The following LSM5 variants were observed in gnomAD, a reference collection of about 807,000 sequenced individuals.
LSM5 encodes LSM5 homolog, U6 small nuclear RNA and mRNA degradation associated.
Under a neutral mutation model 13.8 loss-of-function variants are expected in LSM5, and 8 were observed. That is an observed-to-expected ratio of 0.58 (90% CI 0.34 to 1.04). The LOEUF (loss-of-function observed/expected upper bound fraction) is 1.04, where lower values mean the gene tolerates loss of function less well. LSM5 is among the 50% of genes least tolerant of loss of function. LSM5 has a pLI of 0.03. For missense variants in LSM5, 80 were observed against 108.1 expected, an observed-to-expected ratio of 0.74 and a Z score of 1.15; for synonymous variants, 35 against 37.0, an observed-to-expected ratio of 0.95 and a Z score of 0.20.
rs1352807444 is a variant in LSM5 at position 32,486,339 on chromosome 7, T to A, written c.*922A>T. 6.6e-6 allele frequency: 1 copy of A among 152,210 alleles called. No individual in the cohort carries two copies. The highest frequency in any genetic ancestry group is 1.5e-5 in the Non-Finnish European group (1 of 68,044). 9.4% of individuals were successfully genotyped at this position (152,210 alleles called of 1,614,324 possible). On this transcript the variant is annotated 3_prime_UTR_variant, in exon 5 of 5. Coordinates refer to ENST00000450169, the MANE Select transcript of LSM5 (RefSeq NM_012322.3). ...ACTTAAGTGGAGGGTAAAAACAGTA[T>A]AATCAGGATGAGCAAGTAAAATAAA...
At chr7:32,492,476 G>A (rs545913256), upstream of LSM5, among the ~76,000 whole-genome samples, 5 of 152,162 alleles carry the variant, frequency 3.3e-5, no homozygotes, top group East Asian at 5.8e-4. Flanking sequence ...TGAGCCAATC[G>A]TGCCACTGCA....
At chr7:32,493,378 A>G (rs557907218), upstream of LSM5, among the ~76,000 whole-genome samples, 56 of 152,204 alleles carry the variant, frequency 3.7e-4, no homozygotes, top group African/African-American at 1.3e-3. Context: ...CTGGCCTCCC[A>G]AAGTGCTGAG....
chr7:32,488,997 T>C (rs951634148), intron 2 of LSM5, among the ~76,000 whole-genome samples: 1 of 152,204 alleles, frequency 6.6e-6, no homozygotes, highest in Non-Finnish European at 1.5e-5. Flanking sequence ...AGCGCTGGGA[T>C]TATAGGCGTG....
In LSM5 at chr7:32,486,767, G is replaced by A. The variant is rs1194521267; in HGVS notation, c.*494C>T. The A allele has an allele frequency of 1.2e-5, 2 of 172,402 alleles. No homozygotes were observed. The highest frequency in any genetic ancestry group is 2.4e-5 in the Non-Finnish European group (2 of 82,360). 10.7% of individuals were successfully genotyped at this position (172,402 alleles called of 1,614,324 possible). ...ACCTGTACATTGTTTGTTTTCAATAGGAGTTCATGGAATTTGAAATCAGAA... is the reference window on the plus strand; with the variant it reads ...ACCTGTACATTGTTTGTTTTCAATAAGAGTTCATGGAATTTGAAATCAGAA... On this transcript the variant is annotated 3_prime_UTR_variant, in exon 5 of 5. Coordinates refer to ENST00000450169, the MANE Select transcript of LSM5 (RefSeq NM_012322.3).
At chr7:32,489,985 T>G (rs1173902458) in intron 1 of LSM5, 2 of 1,259,086 alleles carry the variant, frequency 1.6e-6, no homozygotes, top group African/African-American at 3.1e-5. Context: ...CTATCTAATC[T>G]GGGGATCGTA....
upstream of LSM5, among the ~76,000 whole-genome samples, chr7:32,491,594 A>G (rs1265196692): frequency 6.6e-6 from 1 of 152,146 alleles, no homozygotes; most frequent in Non-Finnish European, 1.5e-5. Flanking sequence ...TTCAAATTCC[A>G]TGGTCAGTTA....
chr7:32,491,108 C>T (rs6950200), upstream of LSM5, among the ~76,000 whole-genome samples: 3,910 of 152,246 alleles, frequency 0.026, 162 homozygotes, highest in African/African-American at 0.088. Context: ...TAAACCTGAA[C>T]AGTCTAGGTC....
upstream of LSM5, among the ~76,000 whole-genome samples, chr7:32,492,710 G>T (rs60473708): frequency 0.075 from 11,492 of 152,248 alleles, 496 homozygotes; most frequent in Non-Finnish European, 0.095. Context: ...ACACAAAAAG[G>T]AAGAACAGGC....
intron 3 of LSM5, chr7:32,488,001 G>T: frequency 2.4e-6 from 1 of 409,660 alleles, no homozygotes; most frequent in South Asian, 3.0e-5. Flanking sequence ...ATAAAAAGAA[G>T]TGAAAGCTTG....
At chr7:32,490,511 T>G, upstream of LSM5, 1 of 655,234 alleles carries the variant, frequency 1.5e-6, no homozygotes, top group Admixed American at 2.6e-5. Context: ...TTCACTGGCT[T>G]TTTTCCCCGG....
upstream of LSM5, chr7:32,494,939 A>G (rs1786705445): frequency 6.6e-6 from 1 of 152,218 alleles, no homozygotes; most frequent in Non-Finnish European, 1.5e-5. Flanking sequence ...GAAACAAACA[A>G]GAATTCTCGA....
chr7:32,488,972 A>G (rs1389815926), intron 2 of LSM5, among the ~76,000 whole-genome samples: 1 of 152,076 alleles, frequency 6.6e-6, no homozygotes, highest in Non-Finnish European at 1.5e-5. Flanking sequence ...CGATCCACCC[A>G]CCTCGCCCTC....
chr7:32,491,104 T>A (rs1319484526), upstream of LSM5, among the ~76,000 whole-genome samples: 3 of 152,160 alleles, frequency 2.0e-5, no homozygotes, highest in Non-Finnish European at 4.4e-5. Context: ...AACTTAAACC[T>A]GAACAGTCTA....
rs376563041 is a variant in LSM5 at position 32,490,337 on chromosome 7, G to A, written c.29C>T (p.Ser10Leu). 5.0e-6 allele frequency: 8 copies of A among 1,614,032 alleles called. No individual in the cohort carries two copies. The highest frequency in any genetic ancestry group is 1.3e-5 in the African/African-American group (1 of 74,936). MAANATTNP[S>L]QLLPLELVDK... ...GCGATTACCTAAGGGCAGCAGCTGC[G>A]ACGGGTTGGTAGTAGCGTTAGCCGC... Residue 10 changes from serine to leucine, a missense_variant, in exon 1 of 5, where the codon TCG (serine) becomes TTG (leucine). Transcript: ENST00000450169.
rs904927261 is a variant in LSM5 at position 32,486,280 on chromosome 7, C to A, written c.*981G>T. 4 of 152,076 alleles carry A rather than the reference C, an allele frequency of 2.6e-5. No homozygotes were observed. The highest frequency in any genetic ancestry group is 5.9e-5 in the Non-Finnish European group (4 of 68,020). 9.4% of individuals were successfully genotyped at this position (152,076 alleles called of 1,614,324 possible). On this transcript the variant is annotated 3_prime_UTR_variant, in exon 5 of 5. Transcript: ENST00000450169. ...CATATTAATGTTGAAATATTTGACA[C>A]AGAAAGATATTCACCATTTAAATTC...
chr7:32,487,728 GT>G lies in LSM5; in HGVS notation c.199del (p.Thr67LeufsTer3). On this transcript the variant is annotated frameshift_variant, in exon 4 of 5. Coordinates refer to ENST00000450169, the MANE Select transcript of LSM5 (RefSeq NM_012322.3). LOFTEE classifies it high-confidence loss of function. ...ATTTAGCAAAATCTGATCTAATTTA[GT>G]AATCCTTCTTCCTTCTGGTGTGATT... ...FEITPEGRRI[T>X]KLDQILLNGN... is the part of the protein sequence containing the mutation. 6.6e-7 allele frequency: 1 copy of G among 1,509,644 alleles called. No individual in the cohort carries two copies. Among genetic ancestry groups the G allele is most frequent in the Non-Finnish European group, 9.2e-7 (1 of 1,086,024 alleles). The allele number at this position is 1,509,644 out of a possible 1,614,324, so 93.5% of individuals were successfully genotyped here. A position where few individuals can be genotyped will look rare whatever the true frequency, so the allele number is the denominator to read the frequency against.
At chr7:32,490,240 G>C (rs1214536542) in intron 1 of LSM5, 80 bp downstream of exon 1, 5 of 1,613,152 alleles carry the variant, frequency 3.1e-6, no homozygotes, top group Non-Finnish European at 4.2e-6. Context: ...ACTCGGCCAG[G>C]GCCTGCCTCG....
At position 32,490,341 on chromosome 7, in the gene LSM5, G is replaced by T; in HGVS notation, c.25C>A (p.Pro9Thr). 2.5e-6 allele frequency: 4 copies of T among 1,614,164 alleles called. No individual in the cohort carries two copies. Among genetic ancestry groups the T allele is most frequent in the Non-Finnish European group, 3.4e-6 (4 of 1,180,002 alleles). The change falls in exon 1 of 5, where the codon CCG becomes ACG. Residue 9 changes from proline to threonine, a missense_variant. Coordinates refer to ENST00000450169, the MANE Select transcript of LSM5 (RefSeq NM_012322.3). ...TTACCTAAGGGCAGCAGCTGCGACG[G>T]GTTGGTAGTAGCGTTAGCCGCCATG... is the stretch of plus-strand genomic sequence containing the variant. MAANATTNPSQLLPLELVD... is the reference protein window; with the variant it reads MAANATTNTSQLLPLELVD...
At chr7:32,488,537 AT>A (rs879530620) in intron 3 of LSM5, 87 bp downstream of exon 3, 1 of 875,042 alleles carries the variant, frequency 1.1e-6, no homozygotes. Context: ...CCAAGAGGTA[AT>A]GTTTTCTCAT....
Sources: gnomAD v4.1 joint callset for allele counts (sites outside exome capture counted in the v4.1 genomes callset) on GRCh38, gnomAD v4.1.1 for gene constraint, MANE v1.5 for transcripts, NCBI Gene and HGNC (gene_info 2026-07-23, HGNC 2026-07-21) for gene names.